Variants in SLC9A3 observed in about 807,000 individuals in gnomAD.
The protein encoded by SLC9A3 is solute carrier family 9 member A3.
In SLC9A3, 37 loss-of-function variants were observed where a neutral mutation model predicts 86.8. The observed-to-expected ratio is 0.43, with a 90% CI of 0.33 to 0.56. The LOEUF (loss-of-function observed/expected upper bound fraction) is 0.56. SLC9A3 is among the 20% of genes least tolerant of loss of function. The pLI is 0.06. For synonymous variants in SLC9A3, 581 were observed against 528.3 expected (o/e 1.10, Z -1.37); for missense variants, 1,011 against 1,171.9 (o/e 0.86, Z 2.00).
intron 1 of SLC9A3, among the ~76,000 whole-genome samples, chr5:495,917 G>A (rs1365989796): frequency 8.1e-6 from 1 of 123,880 alleles, no homozygotes; most frequent in Non-Finnish European, 1.7e-5. Flanking sequence ...CCGCGCCATC[G>A]CCGACCCTCC....
At chr5:483,842 T>C (rs982909124) in intron 5 of SLC9A3, among the ~76,000 whole-genome samples, 1 of 152,262 alleles carries the variant, frequency 6.6e-6, no homozygotes, top group African/African-American at 2.4e-5. Context: ...TTAAATAAAT[T>C]CTTTGCCCCA....
chr5:489,248 T>C (rs1234374769), intron 2 of SLC9A3, among the ~76,000 whole-genome samples: 1 of 151,960 alleles, frequency 6.6e-6, no homozygotes, highest in Non-Finnish European at 1.5e-5. Context: ...TGGGCCTCCT[T>C]GCTGCCTTCC....
chr5:491,849 A>G lies in SLC9A3; in HGVS notation c.434T>C (p.Leu145Ser), dbSNP rs1386636117. ...CCACACGGTACCCACGACGGCGTACAACAGGATGGTCCCCAGGTTGCCGAA... is the reference window on the plus strand; with the variant it reads ...CCACACGGTACCCACGACGGCGTACGACAGGATGGTCCCCAGGTTGCCGAA... Reference protein sequence around the residue: ...LFFGNLGTILLYAVVGTVWNA... With the variant: ...LFFGNLGTILSYAVVGTVWNA... The change falls in exon 2 of 17, where the codon TTG (leucine) becomes TCG (serine). Residue 145 changes from leucine (L) to serine (S), a missense_variant. By Grantham distance (145) the Leu-to-Ser change is moderately radical. This residue lies in a region of SLC9A3 where 565 missense variants were observed against 790.0 expected (regional missense o/e 0.72). Coordinates refer to ENST00000264938, the MANE Select transcript of SLC9A3 (RefSeq NM_004174.4). This position sits in a 1 kb window ranked among gnomAD's most constrained non-coding sequence, Gnocchi z 9.2. The G allele has an allele frequency of 1.2e-6, 2 of 1,606,706 alleles. No individual in the cohort carries two copies. The highest frequency in any genetic ancestry group is 1.7e-6 in the Non-Finnish European group (2 of 1,177,148).
chr5:470,796 C>G lies in SLC9A3; in HGVS notation c.*2583G>C, dbSNP rs1394448454. On this transcript the variant is annotated 3_prime_UTR_variant, in exon 17 of 17. Transcript: ENST00000264938. ...TAACAAAATTATTTTTGAGAAAATA[C>G]AGAAGTGAGAAATAGTGATTTCCTC... The G allele has an allele frequency of 2.0e-5, 3 of 152,284 alleles. No individual in the cohort carries two copies. The highest frequency in any genetic ancestry group is 4.1e-4 in the South Asian group (2 of 4,826). 9.4% of individuals were successfully genotyped at this position (152,284 alleles called of 1,614,324 possible). A position where few individuals can be genotyped will look rare whatever the true frequency, so the allele number is the denominator to read the frequency against.
Position 491,215 on chromosome 5 carries a change from C to T in SLC9A3, c.514+554G>A, listed in dbSNP as rs1217398471. Among the ~76,000 whole-genome samples the T allele has an allele frequency of 2.6e-5, 4 of 152,176 alleles. No homozygotes were observed. Among genetic ancestry groups the T allele is most frequent in the Non-Finnish European group, 5.9e-5 (4 of 68,026 alleles). On this transcript the variant is annotated intron_variant, in intron 2 of 16. Coordinates refer to ENST00000264938, the MANE Select transcript of SLC9A3 (RefSeq NM_004174.4). This position sits in a 1 kb window ranked among gnomAD's most constrained non-coding sequence, Gnocchi z 9.2. ...AAAGCTGTAGCATCCCCGGCAGCAG[C>T]GGCGGGCATCAGGGCTGCACCGCAC...
At position 497,909 on chromosome 5, in the gene SLC9A3, C is replaced by T. The variant is rs968168149; in HGVS notation, c.212-5838G>A. The stretch of plus-strand genomic sequence containing the variant: ...CCTGTCCCGGGTGGGGTCGCCCGGC[C>T]GCATCCCCAGCCTCTGCCCTCCGAC... On this transcript the variant is annotated intron_variant, in intron 1 of 16. Coordinates refer to ENST00000264938, the MANE Select transcript of SLC9A3 (RefSeq NM_004174.4). The surrounding 1 kb of genome is among the most constrained non-coding windows in gnomAD (Gnocchi z 5.4). Among the ~76,000 whole-genome samples the T allele has an allele frequency of 7.3e-5, 11 of 150,794 alleles. No individual in the cohort carries two copies. Among genetic ancestry groups the T allele is most frequent in the African/African-American group, 1.5e-4 (6 of 41,156 alleles).
chr5:498,684 G>A (rs1055489555), intron 1 of SLC9A3, among the ~76,000 whole-genome samples: 2 of 152,102 alleles, frequency 1.3e-5, no homozygotes, highest in African/African-American at 2.4e-5. Flanking sequence ...TCACAGGCGT[G>A]AGCCACCGTG....
intron 1 of SLC9A3, among the ~76,000 whole-genome samples, chr5:519,745 G>C (rs918761176): frequency 6.6e-6 from 1 of 152,084 alleles, no homozygotes; most frequent in African/African-American, 2.4e-5. Flanking sequence ...GTCCAGTTAA[G>C]GAGGAGGTGC....
chr5:499,958 C>T lies in SLC9A3; in HGVS notation c.212-7887G>A, dbSNP rs544277386. Among the ~76,000 whole-genome samples, 46 of 152,356 alleles carry T rather than the reference C, an allele frequency of 3.0e-4. 2 individuals are homozygous for T. In the South Asian group the frequency reaches 7.7e-3, roughly 25 times the overall value. ...AGAAGGAACCCACAGCCCTGGGCCC[C>T]GTCGGAGCCACCACAGGCGCAGGGC... On this transcript the variant is annotated intron_variant, in intron 1 of 16. Transcript: ENST00000264938.
chr5:502,937 C>T (rs1263992837), intron 1 of SLC9A3, among the ~76,000 whole-genome samples: 4 of 152,234 alleles, frequency 2.6e-5, no homozygotes, highest in East Asian at 3.9e-4. Flanking sequence ...GCGCTGTGTT[C>T]CAGTGAAACT....
At chr5:514,293 T>G (rs1381201053) in intron 1 of SLC9A3, among the ~76,000 whole-genome samples, 3 of 152,206 alleles carry the variant, frequency 2.0e-5, no homozygotes, top group South Asian at 2.1e-4. Context: ...CTCCCTGACC[T>G]GAGGTCTCCC....
chr5:495,010 C>G (rs907322078), intron 1 of SLC9A3, among the ~76,000 whole-genome samples: 1 of 152,106 alleles, frequency 6.6e-6, no homozygotes, highest in Admixed American at 6.5e-5. Context: ...GCCAGCGGGG[C>G]ACGTGTGGCC....
At chr5:512,969 T>C (rs1733601968) in intron 1 of SLC9A3, among the ~76,000 whole-genome samples, 1 of 152,170 alleles carries the variant, frequency 6.6e-6, no homozygotes, top group Admixed American at 6.5e-5. Flanking sequence ...GTCCCACTTT[T>C]CACTGGAAGA....
Position 473,339 on chromosome 5 carries a change from CG to C in SLC9A3, c.*39del. 2 of 1,412,436 alleles carry C rather than the reference CG, an allele frequency of 1.4e-6. No individual in the cohort carries two copies. Among genetic ancestry groups the C allele is most frequent in the East Asian group, 3.1e-5 (1 of 32,540 alleles). 87.5% of individuals were successfully genotyped at this position (1,412,436 alleles called of 1,614,324 possible). ...CGGCGGCGGTGGGCGGACCGTGGCGCGGGGACGAGCGGCCGGTTAGCGGCGT... is the reference window on the plus strand; with the variant it reads ...CGGCGGCGGTGGGCGGACCGTGGCGCGGGACGAGCGGCCGGTTAGCGGCGT... On this transcript the variant is annotated 3_prime_UTR_variant, in exon 17 of 17. Transcript: ENST00000264938.
At chr5:493,283 G>C (rs1739877333) in intron 1 of SLC9A3, among the ~76,000 whole-genome samples, 1 of 152,260 alleles carries the variant, frequency 6.6e-6, no homozygotes, top group Non-Finnish European at 1.5e-5. Context: ...TCAAAGGAAA[G>C]TTGTCTCCTG....
intron 1 of SLC9A3, among the ~76,000 whole-genome samples, chr5:508,660 G>A (rs2126648622): frequency 6.6e-6 from 1 of 151,202 alleles, no homozygotes; most frequent in South Asian, 2.1e-4. Context: ...CCCATAGCGC[G>A]CCCGGGATGG....
At chr5:509,808 G>A (rs1006274540) in intron 1 of SLC9A3, among the ~76,000 whole-genome samples, 8 of 152,156 alleles carry the variant, frequency 5.3e-5, no homozygotes, top group East Asian at 1.9e-4. Context: ...TCCGTGTCTC[G>A]CATGGATGCC....
intron 12 of SLC9A3, 22 bp from the exon 13 acceptor site, chr5:476,400 T>A (rs941643114): frequency 1.2e-6 from 2 of 1,612,666 alleles, no homozygotes; most frequent in Non-Finnish European, 1.7e-6. Flanking sequence ...GGCACGGAGG[T>A]CACAGCTGTG....
rs376596500 is a variant in SLC9A3 at position 491,741 on chromosome 5, G to A, written c.514+28C>T. ...CCCTCCCGGACCCCACCCTGATCCC[G>A]GCCGGGGCAACAGTGGCGCAGACTC... On this transcript the variant is annotated intron_variant, in intron 2 of 16. Transcript: ENST00000264938. The surrounding 1 kb of genome is among the most constrained non-coding windows in gnomAD (Gnocchi z 9.2). 156 of 1,487,482 alleles carry A rather than the reference G, an allele frequency of 1.0e-4. 1 individual carries two copies. The African/African-American group carries it at 1.1e-3, about 11-fold the overall frequency. The allele number at this position is 1,487,482 out of a possible 1,614,324, so 92.1% of individuals were successfully genotyped here.
Sources: gnomAD v4.1 joint callset for allele counts (sites outside exome capture counted in the v4.1 genomes callset) on GRCh38, gnomAD v4.1.1 for gene constraint, gnomAD v4.1.1 regional missense constraint, Gnocchi (gnomAD v3.1) non-coding constraint, MANE v1.5 for transcripts, NCBI Gene and HGNC (gene_info 2026-07-23, HGNC 2026-07-21) for gene names.